Variants in KCNH8 observed in about 807,000 individuals in gnomAD.
KCNH8 encodes potassium voltage-gated channel subfamily H member 8, also known as voltage-gated delayed rectifier potassium channel KCNH8.
Under a neutral mutation model 103.6 loss-of-function variants are expected in KCNH8, and 70 were observed. That is an observed-to-expected ratio of 0.68 (90% CI 0.56 to 0.82). The LOEUF (loss-of-function observed/expected upper bound fraction) is 0.82. KCNH8 is among the 40% of genes least tolerant of loss of function. The pLI is 0.00. For missense variants in KCNH8, 1,217 were observed against 1,329.9 expected (o/e 0.92, Z 1.32); for synonymous variants, 498 against 489.4 (o/e 1.02, Z -0.23).
intron 3 of KCNH8, among the ~76,000 whole-genome samples, chr3:19,291,604 A>C (rs2064927127): frequency 6.6e-6 from 1 of 152,206 alleles, no homozygotes; most frequent in Non-Finnish European, 1.5e-5. Context: ...CTGTGGTCTG[A>C]GAGACAGTTT....
chr3:19,404,912 A>C (rs1430103778), intron 7 of KCNH8, among the ~76,000 whole-genome samples: 1 of 151,874 alleles, frequency 6.6e-6, no homozygotes, highest in Non-Finnish European at 1.5e-5. Flanking sequence ...TCTTCTGTTG[A>C]CAGTATAATT....
intron 3 of KCNH8, among the ~76,000 whole-genome samples, chr3:19,292,815 G>A (rs546992915): frequency 6.6e-6 from 1 of 152,276 alleles, no homozygotes; most frequent in Admixed American, 6.5e-5. Context: ...CAAAAGCCAA[G>A]GGCCTCTTTC....
intron 13 of KCNH8, among the ~76,000 whole-genome samples, chr3:19,513,645 G>A (rs2068825241): frequency 6.6e-6 from 1 of 152,106 alleles, no homozygotes; most frequent in African/African-American, 2.4e-5. Flanking sequence ...TAAAAGAAAT[G>A]GAACAAACTC....
intron 2 of KCNH8, among the ~76,000 whole-genome samples, chr3:19,258,971 A>C (rs2064390193): frequency 7.4e-6 from 1 of 135,240 alleles, no homozygotes; most frequent in African/African-American, 2.7e-5. Context: ...ATATATATAT[A>C]TATATATATA....
chr3:19,482,224 AACC>A (rs1332048004), intron 11 of KCNH8, among the ~76,000 whole-genome samples: 1 of 152,198 alleles, frequency 6.6e-6, no homozygotes, highest in Non-Finnish European at 1.5e-5. Context: ...TAGATAACGT[AACC>A]CATTAGGTCA....
chr3:19,353,208 C>T (rs2065829268), intron 5 of KCNH8, among the ~76,000 whole-genome samples: 1 of 152,112 alleles, frequency 6.6e-6, no homozygotes, highest in South Asian at 2.1e-4. Flanking sequence ...CCTGAATAGA[C>T]CAATAACAGG....
intron 2 of KCNH8, among the ~76,000 whole-genome samples, chr3:19,269,089 GTGTT>G (rs1191311981): frequency 2.0e-5 from 3 of 152,036 alleles, no homozygotes; most frequent in Admixed American, 1.3e-4. Flanking sequence ...TGGTTTACGT[GTGTT>G]TGTTTGTTTA....
intron 3 of KCNH8, among the ~76,000 whole-genome samples, chr3:19,291,458 G>A (rs2064924266): frequency 3.9e-5 from 6 of 152,034 alleles, no homozygotes; most frequent in Admixed American, 3.9e-4. Flanking sequence ...TGTTTTCATT[G>A]GTTTCAAAGA....
intron 11 of KCNH8, among the ~76,000 whole-genome samples, chr3:19,496,510 T>C (rs1009980054): frequency 4.6e-5 from 7 of 152,210 alleles, no homozygotes; most frequent in African/African-American, 1.4e-4. Flanking sequence ...TATTTGTGTA[T>C]GTTGAACCAA....
chr3:19,300,699 G>A (rs1575508489), intron 3 of KCNH8, among the ~76,000 whole-genome samples: 1 of 151,932 alleles, frequency 6.6e-6, no homozygotes, highest in African/African-American at 2.4e-5. Context: ...GAGAGTCCTG[G>A]GGAAACATTT....
At chr3:19,443,474 T>C (rs1424094392) in intron 8 of KCNH8, among the ~76,000 whole-genome samples, 1 of 151,210 alleles carries the variant, frequency 6.6e-6, no homozygotes, top group Non-Finnish European at 1.5e-5. Context: ...TATGTGTATA[T>C]ATAAAGTTTT....
chr3:19,304,532 G>A (rs1434965591), intron 3 of KCNH8, among the ~76,000 whole-genome samples: 5 of 151,868 alleles, frequency 3.3e-5, no homozygotes, highest in Admixed American at 1.3e-4. Context: ...AGAAGCACAC[G>A]AACTATAAAA....
At chr3:19,523,052 G>T (rs528169254) in intron 15 of KCNH8, among the ~76,000 whole-genome samples, 4 of 151,942 alleles carry the variant, frequency 2.6e-5, no homozygotes, top group African/African-American at 9.6e-5. Context: ...ATATGGGGTT[G>T]TTTCCTATAA....
intron 3 of KCNH8, among the ~76,000 whole-genome samples, chr3:19,306,618 A>G (rs1319268185): frequency 6.6e-6 from 1 of 152,118 alleles, no homozygotes; most frequent in Non-Finnish European, 1.5e-5. Flanking sequence ...AAAGGAAACA[A>G]TTCTTTCTAA....
Position 19,206,168 on chromosome 3 carries a change from G to GTGTGTGTGTGTGTGTGTATATATA in KCNH8, c.77-47485_77-47484insGTGTGTGTGTGTGTGTATATATAT, listed in dbSNP as rs979868166. Among the ~76,000 whole-genome samples, 459 of 139,184 alleles carry GTGTGTGTGTGTGTGTGTATATATA rather than the reference G, an allele frequency of 3.3e-3. 2 individuals carry two copies. The highest frequency in any genetic ancestry group is 0.012 in the African/African-American group (432 of 34,784). The allele number at this position is 139,184 out of a possible 152,430, so 91.3% of individuals were successfully genotyped here. ...GTATATATATATTAATGGTGTGTGTGTATATATATATATATATCACAGTTA... is the reference window on the plus strand; with the variant it reads ...GTATATATATATTAATGGTGTGTGTGTGTGTGTGTGTGTGTGTATATATATATATATATATATATATCACAGTTA... On this transcript the variant is annotated intron_variant, in intron 1 of 15. Transcript: ENST00000328405.
intron 1 of KCNH8, among the ~76,000 whole-genome samples, chr3:19,181,525 A>G (rs1272519218): frequency 6.6e-6 from 1 of 152,208 alleles, no homozygotes; most frequent in Admixed American, 6.5e-5. Context: ...TGAATTTGTA[A>G]TAAAAAGGAA....
At chr3:19,259,257 C>T (rs2064395900) in intron 2 of KCNH8, among the ~76,000 whole-genome samples, 1 of 151,306 alleles carries the variant, frequency 6.6e-6, no homozygotes, top group South Asian at 2.1e-4. Context: ...CAAAAGAAAA[C>T]TAAGCCACTA....
intron 1 of KCNH8, among the ~76,000 whole-genome samples, chr3:19,188,743 T>C (rs1319392332): frequency 6.6e-6 from 1 of 152,102 alleles, no homozygotes; most frequent in Non-Finnish European, 1.5e-5. Flanking sequence ...TAAAGCTTTT[T>C]TAAAAAATAA....
intron 11 of KCNH8, among the ~76,000 whole-genome samples, chr3:19,501,997 T>C (rs1242452886): frequency 6.6e-6 from 1 of 151,952 alleles, no homozygotes; most frequent in Non-Finnish European, 1.5e-5. Flanking sequence ...TGTTTGCAGA[T>C]GACATGATTG....
Sources: allele counts gnomAD v4.1 joint callset (sites outside exome capture counted in the v4.1 genomes callset), GRCh38; gene constraint gnomAD v4.1.1; transcripts MANE v1.5; gene names NCBI Gene and HGNC (gene_info 2026-07-23, HGNC 2026-07-21).